Variants in DYM observed in about 807,000 individuals in gnomAD.
The protein encoded by DYM is dyggve-Melchior-Clausen syndrome protein.
DYM carries 78 observed loss-of-function variants against 93.1 expected under a neutral mutation model. The observed-to-expected ratio is 0.84, with a 90% confidence interval of 0.70 to 1.01. DYM has a LOEUF of 1.01. Ranked by LOEUF, DYM falls within the 50% of genes least tolerant of loss-of-function variation. The pLI is 0.00. For synonymous variants in DYM, 321 were observed against 319.7 expected (o/e 1.00, Z -0.04); for missense variants, 789 against 845.0 (o/e 0.93, Z 0.82).
chr18:49,108,999 T>C (rs1182305342), intron 16 of DYM, among the ~76,000 whole-genome samples: 1 of 152,154 alleles, frequency 6.6e-6, no homozygotes, highest in Non-Finnish European at 1.5e-5. Context: ...GAAGTCTACT[T>C]TGTCTGCTAT....
At chr18:49,298,540 C>T (rs1294313626) in intron 8 of DYM, among the ~76,000 whole-genome samples, 1 of 148,360 alleles carries the variant, frequency 6.7e-6, no homozygotes, top group African/African-American at 2.5e-5. Flanking sequence ...GAGATTGCAC[C>T]ATTGCACTCC....
rs2077619664 is a variant in DYM, at chr18:49,079,631, ATC to A, written c.2025+17769_2025+17770del. ...CTTAACGAGCATGCTGCCTTCAAGC[ATC>A]TGTTTAACAAAGCACATCTTGCACC... On this transcript the variant is annotated intron_variant, in intron 17 of 17. Transcript: ENST00000675505. 2.0e-5 allele frequency among the ~76,000 whole-genome samples: 3 copies of A among 151,676 alleles called. No homozygotes were observed. The South Asian group carries it at 6.3e-4, about 32-fold the overall frequency.
Position 49,118,965 on chromosome 18 carries a change from T to C in DYM, c.1729-39A>G, listed in dbSNP as rs370573693. 100 of 1,562,844 alleles carry C rather than the reference T, an allele frequency of 6.4e-5. No individual in the cohort carries two copies. The African/African-American group carries it at 1.3e-3, about 20-fold the overall frequency. ...GAAACCCCAACACAGAGTCAGTCTT[T>C]TCCTCCTTGCAACAGAATTAATGAA... is the stretch of plus-strand genomic sequence containing the variant. On this transcript the variant is annotated intron_variant, in intron 15 of 17. Coordinates refer to ENST00000675505, the MANE Select transcript of DYM (RefSeq NM_001353214.3).
intron 14 of DYM, among the ~76,000 whole-genome samples, chr18:49,188,709 G>C (rs1158159706): frequency 6.6e-6 from 1 of 152,166 alleles, no homozygotes; most frequent in Non-Finnish European, 1.5e-5. Flanking sequence ...GGAAGGGGGA[G>C]GGATAGCATT....
At chr18:49,243,384 G>A (rs1362789323) in intron 13 of DYM, among the ~76,000 whole-genome samples, 2 of 152,122 alleles carry the variant, frequency 1.3e-5, no homozygotes, top group African/African-American at 2.4e-5. Context: ...CATTGTTAGG[G>A]CTGGGCGTGG....
chr18:49,154,871 G>A (rs2086225185), intron 15 of DYM, among the ~76,000 whole-genome samples: 1 of 152,182 alleles, frequency 6.6e-6, no homozygotes, highest in Non-Finnish European at 1.5e-5. Context: ...CTCCCCAGAA[G>A]TAACCATTAT....
intron 2 of DYM, among the ~76,000 whole-genome samples, chr18:49,391,943 G>C (rs1599867541): frequency 6.6e-6 from 1 of 152,198 alleles, no homozygotes; most frequent in African/African-American, 2.4e-5. Context: ...CTCCAAAGTA[G>C]AGAGCTCAAG....
At chr18:49,151,558 CT>C (rs2085819275) in intron 15 of DYM, among the ~76,000 whole-genome samples, 1 of 152,140 alleles carries the variant, frequency 6.6e-6, no homozygotes, top group African/African-American at 2.4e-5. Flanking sequence ...TGTAATACTG[CT>C]TTTTAATAAC....
At chr18:49,062,764 C>T (rs2076083613) in intron 17 of DYM, among the ~76,000 whole-genome samples, 1 of 152,216 alleles carries the variant, frequency 6.6e-6, no homozygotes, top group African/African-American at 2.4e-5. Flanking sequence ...TGAGGGGTCA[C>T]CCTCTTTACA....
intron 5 of DYM, among the ~76,000 whole-genome samples, chr18:49,367,357 C>T (rs1269427410): frequency 2.0e-5 from 3 of 152,164 alleles, no homozygotes; most frequent in Non-Finnish European, 2.9e-5. Flanking sequence ...AGTAGACAAG[C>T]GAGATGATAT....
intron 14 of DYM, among the ~76,000 whole-genome samples, chr18:49,168,250 T>C (rs1307855904): frequency 6.6e-6 from 1 of 152,166 alleles, no homozygotes; most frequent in South Asian, 2.1e-4. Context: ...TGGACACATA[T>C]ACAGTATATA....
chr18:49,432,802 T>TG (rs757400312), intron 1 of DYM, among the ~76,000 whole-genome samples: 1 of 151,940 alleles, frequency 6.6e-6, no homozygotes, highest in Non-Finnish European at 1.5e-5. Context: ...TTGGTAAAGA[T>TG]GGGGTCTCAC....
At chr18:49,131,874 G>C (rs1479964993) in intron 15 of DYM, among the ~76,000 whole-genome samples, 1 of 152,160 alleles carries the variant, frequency 6.6e-6, no homozygotes, top group Non-Finnish European at 1.5e-5. Flanking sequence ...GGACATACCA[G>C]AATGTGAAAG....
chr18:49,080,895 C>G (rs1282560215), intron 17 of DYM, among the ~76,000 whole-genome samples: 1 of 151,690 alleles, frequency 6.6e-6, no homozygotes, highest in Non-Finnish European at 1.5e-5. Context: ...CTCCCCACAT[C>G]TCAGACGATG....
intron 8 of DYM, among the ~76,000 whole-genome samples, chr18:49,312,148 A>G (rs2061635684): frequency 6.6e-6 from 1 of 151,978 alleles, no homozygotes; most frequent in Admixed American, 6.6e-5. Context: ...GGATTGGGGG[A>G]CGTAAAGGAT....
rs536273584 is a variant in DYM, at chr18:49,063,794, C to T, written c.2026-19590G>A. On this transcript the variant is annotated intron_variant, in intron 17 of 17. Coordinates refer to ENST00000675505, the MANE Select transcript of DYM (RefSeq NM_001353214.3). ...GGCACCTGCCACTATGCCTGGTTAA[C>T]TTTTTTGTATTTTTTGTAGAGACAC... Among the ~76,000 whole-genome samples the T allele has an allele frequency of 1.1e-4, 17 of 151,978 alleles. 1 individual carries two copies. In the South Asian group the frequency reaches 2.7e-3, roughly 24 times the overall value.
At chr18:49,320,834 T>G (rs752156393) in intron 8 of DYM, among the ~76,000 whole-genome samples, 3 of 152,180 alleles carry the variant, frequency 2.0e-5, no homozygotes, top group Non-Finnish European at 4.4e-5. Context: ...GAAAAAAATA[T>G]TTATGTAATT....
At chr18:49,154,661 C>T (rs2086188123) in intron 15 of DYM, among the ~76,000 whole-genome samples, 1 of 152,102 alleles carries the variant, frequency 6.6e-6, no homozygotes, top group Non-Finnish European at 1.5e-5. Flanking sequence ...TCCCAAAATG[C>T]TGGGATTACA....
intron 8 of DYM, among the ~76,000 whole-genome samples, chr18:49,331,517 T>C (rs2063303099): frequency 6.6e-6 from 1 of 152,238 alleles, no homozygotes; most frequent in African/African-American, 2.4e-5. Context: ...TAAAATAACC[T>C]AAAATAGATT....
Sources: gnomAD v4.1 joint callset for allele counts (sites outside exome capture counted in the v4.1 genomes callset) on GRCh38, gnomAD v4.1.1 for gene constraint, MANE v1.5 for transcripts, NCBI Gene and HGNC (gene_info 2026-07-23, HGNC 2026-07-21) for gene names.